The following GNB4 variants were observed in gnomAD, a reference collection of about 807,000 sequenced individuals.
The protein encoded by GNB4 is guanine nucleotide-binding protein subunit beta-4.
GNB4 carries 28 observed loss-of-function variants against 45.2 expected under a neutral mutation model. The ratio of observed to expected loss-of-function variants is 0.62; its 90% CI spans 0.46 to 0.85. The LOEUF (loss-of-function observed/expected upper bound fraction) is 0.85, where lower values mean the gene tolerates loss of function less well. Ranked by LOEUF, GNB4 falls within the 40% of genes least tolerant of loss-of-function variation. GNB4 has a pLI of 0.00. For missense variants in GNB4, 321 were observed against 425.4 expected, an observed-to-expected ratio of 0.75 and a Z score of 2.16; for synonymous variants, 132 against 143.7, an observed-to-expected ratio of 0.92 and a Z score of 0.58.
chr3:179,467,265 A>C, the GNB4 span, among the ~76,000 whole-genome samples: 1 of 152,110 alleles, frequency 6.6e-6, no homozygotes, highest in Non-Finnish European at 1.5e-5. Context: ...CCCCCACTTC[A>C]GCCTCCCAAG....
chr3:179,481,180 T>A, the GNB4 span, among the ~76,000 whole-genome samples: 687 of 152,222 alleles, frequency 4.5e-3, 5 homozygotes, highest in African/African-American at 0.016. Flanking sequence ...AAGTTGTAGA[T>A]CTTCTGAAAG....
chr3:179,520,873 A>T, the GNB4 span, among the ~76,000 whole-genome samples: 2 of 152,130 alleles, frequency 1.3e-5, no homozygotes, highest in African/African-American at 4.8e-5. Flanking sequence ...TAATCACCAC[A>T]CACCAGCAAA....
At chr3:179,503,542 A>G in the GNB4 span, among the ~76,000 whole-genome samples, 1 of 152,240 alleles carries the variant, frequency 6.6e-6, no homozygotes. Flanking sequence ...TTTATCTCCA[A>G]CAAAGACAGC....
At chr3:179,419,098 C>CTA (rs1364571585) in intron 4 of GNB4, among the ~76,000 whole-genome samples, 1 of 152,210 alleles carries the variant, frequency 6.6e-6, no homozygotes, top group Non-Finnish European at 1.5e-5. Flanking sequence ...AAATTTCAAG[C>CTA]TTCATATACA....
At chr3:179,423,641 C>T (rs940261086) in intron 2 of GNB4, among the ~76,000 whole-genome samples, 8 of 152,010 alleles carry the variant, frequency 5.3e-5, no homozygotes, top group Non-Finnish European at 5.9e-5. Context: ...ATTAGCTGGG[C>T]GTGGTGGTGT....
chr3:179,412,658 CTAA>C (rs1714684322), intron 8 of GNB4, among the ~76,000 whole-genome samples: 1 of 152,098 alleles, frequency 6.6e-6, no homozygotes, highest in Admixed American at 6.6e-5. Context: ...GGCAGCAGAA[CTAA>C]GATTAGGTCC....
intron 1 of GNB4, among the ~76,000 whole-genome samples, chr3:179,440,495 C>T (rs978553222): frequency 6.6e-6 from 1 of 151,940 alleles, no homozygotes; most frequent in African/African-American, 2.4e-5. Flanking sequence ...TCTGAAATGC[C>T]AGCTGACTTT....
the GNB4 span, among the ~76,000 whole-genome samples, chr3:179,506,260 C>A: frequency 6.6e-6 from 1 of 152,004 alleles, no homozygotes. Flanking sequence ...ATCACCTGAG[C>A]CCAAGAAGTG....
At chr3:179,430,277 G>C (rs1162107201) in intron 1 of GNB4, among the ~76,000 whole-genome samples, 1 of 152,064 alleles carries the variant, frequency 6.6e-6, no homozygotes, top group South Asian at 2.1e-4. Context: ...TTTTGGTAGA[G>C]ACAGGGTCGC....
chr3:179,505,312 T>A, the GNB4 span, among the ~76,000 whole-genome samples: 1 of 152,206 alleles, frequency 6.6e-6, no homozygotes, highest in African/African-American at 2.4e-5. Flanking sequence ...AGATTAAAGC[T>A]TGGATTTTGA....
chr3:179,418,587 T>C (rs1244731100), intron 4 of GNB4, among the ~76,000 whole-genome samples: 3 of 152,204 alleles, frequency 2.0e-5, no homozygotes, highest in Admixed American at 6.5e-5. Flanking sequence ...TTCTATATTA[T>C]TGTGGTCAAG....
chr3:179,486,549 G>T, the GNB4 span, among the ~76,000 whole-genome samples: 1 of 152,098 alleles, frequency 6.6e-6, no homozygotes, highest in East Asian at 1.9e-4. Context: ...GAATATCCCT[G>T]ACATCTCTTA....
chr3:179,471,166 GAGACTCCGTCTCAAAA>G, the GNB4 span, among the ~76,000 whole-genome samples: 10 of 124,164 alleles, frequency 8.1e-5, no homozygotes, highest in South Asian at 2.7e-3. Context: ...GCAACAGAGC[GAGACTCCGTCTCAAAA>G]AAAAAAAAAA....
At chr3:179,413,682 C>G in intron 7 of GNB4, 33 bp downstream of exon 7, 1 of 1,610,526 alleles carries the variant, frequency 6.2e-7, no homozygotes, top group East Asian at 2.2e-5. Flanking sequence ...CACCCTCAAA[C>G]CCATAATCAG....
the GNB4 span, among the ~76,000 whole-genome samples, chr3:179,487,424 C>T: frequency 3.3e-5 from 5 of 152,058 alleles, no homozygotes; most frequent in African/African-American, 1.2e-4. Flanking sequence ...AAACAGACTC[C>T]CTCTTGGCGA....
intron 1 of GNB4, among the ~76,000 whole-genome samples, chr3:179,428,292 C>G (rs1715203030): frequency 1.2e-5 from 1 of 80,948 alleles, no homozygotes; most frequent in Non-Finnish European, 2.4e-5. Flanking sequence ...CTCTGTTTAT[C>G]CAAATTTTCC....
chr3:179,452,491 A>G (rs1276635748), upstream of GNB4: 10 of 152,144 alleles, frequency 6.6e-5, no homozygotes, highest in Non-Finnish European at 1.5e-4. Context: ...ATGTTCGAAC[A>G]ATATCATCAG....
chr3:179,473,247 A>C, the GNB4 span, among the ~76,000 whole-genome samples: 1 of 152,030 alleles, frequency 6.6e-6, no homozygotes, highest in Non-Finnish European at 1.5e-5. Flanking sequence ...ATACAATGGT[A>C]ATTCTTTCCA....
At chr3:179,522,465 T>G in the GNB4 span, among the ~76,000 whole-genome samples, 1 of 142,764 alleles carries the variant, frequency 7.0e-6, no homozygotes, top group Non-Finnish European at 1.5e-5. Flanking sequence ...GGTGGTCTCT[T>G]CGCACGGACG....
Sources: allele counts gnomAD v4.1 joint callset (sites outside exome capture counted in the v4.1 genomes callset), GRCh38; gene constraint gnomAD v4.1.1; transcripts MANE v1.5; gene names NCBI Gene and HGNC (gene_info 2026-07-23, HGNC 2026-07-21).